Variants in ANKS1B observed in about 807,000 individuals in gnomAD.
The protein encoded by ANKS1B is ankyrin repeat and sterile alpha motif domain-containing protein 1B.
ANKS1B carries 36 observed loss-of-function variants against 148.3 expected under a neutral mutation model. That is an observed-to-expected ratio of 0.24 (90% CI 0.19 to 0.32). The LOEUF (loss-of-function observed/expected upper bound fraction) is 0.32. Among genes scored for constraint, ANKS1B ranks in the 10% least tolerant of loss-of-function variants. The probability of loss-of-function intolerance (pLI) is 1.00; values close to 1 mark genes in which losing one functional copy is unlikely to be tolerated. For synonymous variants in ANKS1B, 542 were observed against 560.8 expected, an observed-to-expected ratio of 0.97 and a Z score of 0.47; for missense variants, 1,157 against 1,542.6, an observed-to-expected ratio of 0.75 and a Z score of 4.19.
intron 14 of ANKS1B, among the ~76,000 whole-genome samples, chr12:99,156,975 G>A (rs922252043): frequency 5.9e-5 from 9 of 152,104 alleles, no homozygotes; most frequent in African/African-American, 1.9e-4. Flanking sequence ...TTTAAAATAA[G>A]ATAACTTGTT....
chr12:98,808,783 A>G (rs1009131970), intron 19 of ANKS1B, among the ~76,000 whole-genome samples: 2 of 152,204 alleles, frequency 1.3e-5, no homozygotes, highest in Admixed American at 6.5e-5. Context: ...CCCGAATTTC[A>G]TCATTCTAAA....
chr12:99,402,210 G>A (rs1447379123), intron 11 of ANKS1B, among the ~76,000 whole-genome samples: 1 of 146,090 alleles, frequency 6.8e-6, no homozygotes, highest in African/African-American at 2.6e-5. Context: ...TAGTAGAAGT[G>A]ACATTTTTCT....
intron 11 of ANKS1B, among the ~76,000 whole-genome samples, chr12:99,439,890 G>A (rs1349615386): frequency 1.3e-5 from 2 of 151,682 alleles, no homozygotes; most frequent in African/African-American, 4.8e-5. Context: ...ACAACGCAAG[G>A]ATCAATCAAC....
At chr12:99,033,382 T>C (rs1024069767) in intron 17 of ANKS1B, among the ~76,000 whole-genome samples, 1 of 152,236 alleles carries the variant, frequency 6.6e-6, no homozygotes, top group Non-Finnish European at 1.5e-5. Flanking sequence ...TTAGTAGTCA[T>C]GGTGTATAAT....
intron 17 of ANKS1B, chr12:98,894,810 G>C (rs1319686637): frequency 1.0e-6 from 1 of 983,876 alleles, no homozygotes; most frequent in African/African-American, 1.8e-5. Context: ...GGAAGGGCGG[G>C]AGAGGCGCGG....
chr12:99,534,563 A>G (rs2097042317), intron 9 of ANKS1B, among the ~76,000 whole-genome samples: 1 of 151,772 alleles, frequency 6.6e-6, no homozygotes. Flanking sequence ...ATTTCTACAC[A>G]TAATAATTAA....
In ANKS1B at chr12:99,789,940, G is replaced by C. The variant is rs563217471; in HGVS notation, c.670-7843C>G. ...GGTTGAGAAATAGTTAGGGGTAGAA[G>C]GTTTATTCAAAGTGATAATATTGGA... On this transcript the variant is annotated intron_variant, in intron 4 of 26. Transcript: ENST00000683438. 2.7e-3 allele frequency among the ~76,000 whole-genome samples: 413 copies of C among 151,960 alleles called. 5 individuals are homozygous for C. The highest frequency in any genetic ancestry group is 9.7e-3 in the African/African-American group (399 of 41,336).
intron 9 of ANKS1B, among the ~76,000 whole-genome samples, chr12:99,511,502 T>C (rs2096765800): frequency 6.6e-6 from 1 of 152,062 alleles, no homozygotes; most frequent in South Asian, 2.1e-4. Flanking sequence ...AAGTAATTTA[T>C]AGACAATGCT....
chr12:98,941,633 G>A (rs369531422), intron 17 of ANKS1B, among the ~76,000 whole-genome samples: 9 of 152,178 alleles, frequency 5.9e-5, no homozygotes, highest in Non-Finnish European at 1.0e-4. Flanking sequence ...AAGATTGACT[G>A]TATGTCCTTA....
chr12:99,034,262 G>A (rs2099954124), intron 17 of ANKS1B, among the ~76,000 whole-genome samples: 1 of 152,184 alleles, frequency 6.6e-6, no homozygotes. Flanking sequence ...GCAGAGTAGA[G>A]CTTGGAGGCT....
chr12:99,532,220 GT>G (rs1451272100), intron 9 of ANKS1B, among the ~76,000 whole-genome samples: 1 of 152,042 alleles, frequency 6.6e-6, no homozygotes, highest in Non-Finnish European at 1.5e-5. Context: ...ATTTATTTTT[GT>G]TTTGTTGGAT....
intron 17 of ANKS1B, among the ~76,000 whole-genome samples, chr12:98,904,657 T>C (rs2099776525): frequency 6.6e-6 from 1 of 152,186 alleles, no homozygotes; most frequent in African/African-American, 2.4e-5. Context: ...TCCAGAGAAC[T>C]CAGCACGAAG....
intron 2 of ANKS1B, among the ~76,000 whole-genome samples, chr12:99,812,743 T>G (rs2068592601): frequency 1.3e-5 from 2 of 151,780 alleles, no homozygotes; most frequent in South Asian, 4.1e-4. Flanking sequence ...AGCCCATATC[T>G]GAGATTTAGT....
At chr12:99,695,919 T>C (rs182302395) in intron 8 of ANKS1B, among the ~76,000 whole-genome samples, 228 of 152,164 alleles carry the variant, frequency 1.5e-3, no homozygotes, top group African/African-American at 5.2e-3. Flanking sequence ...ATGGTAACAA[T>C]AGACACTGGG....
intron 17 of ANKS1B, among the ~76,000 whole-genome samples, chr12:99,003,301 C>G (rs1203299805): frequency 7.2e-5 from 11 of 152,094 alleles, no homozygotes; most frequent in African/African-American, 2.7e-4. Context: ...CAAAATTATT[C>G]CGGCTACTCA....
At chr12:99,874,277 C>T (rs35135725) in intron 1 of ANKS1B, among the ~76,000 whole-genome samples, 22,657 of 151,680 alleles carry the variant, frequency 0.15, 2,126 homozygotes, top group Non-Finnish European at 0.21. Context: ...ATTATTTTAC[C>T]GCAACCAAAG....
chr12:99,832,154 A>G (rs1302973742), intron 1 of ANKS1B, among the ~76,000 whole-genome samples: 1 of 152,248 alleles, frequency 6.6e-6, no homozygotes, highest in Non-Finnish European at 1.5e-5. Context: ...GGAAAGTAAC[A>G]TGGCAATACA....
At chr12:99,068,776 C>T (rs1565876757) in intron 16 of ANKS1B, among the ~76,000 whole-genome samples, 2 of 150,300 alleles carry the variant, frequency 1.3e-5, no homozygotes, top group Non-Finnish European at 1.5e-5. Flanking sequence ...TCTTTATTGT[C>T]CCTAGTCCTA....
chr12:99,795,158 T>C (rs2066097815), intron 4 of ANKS1B, among the ~76,000 whole-genome samples: 1 of 151,900 alleles, frequency 6.6e-6, no homozygotes, highest in Admixed American at 6.6e-5. Context: ...CTTTACATAA[T>C]TGATAAGACA....
Sources: allele counts gnomAD v4.1 joint callset (sites outside exome capture counted in the v4.1 genomes callset), GRCh38; gene constraint gnomAD v4.1.1; transcripts MANE v1.5; gene names NCBI Gene and HGNC (gene_info 2026-07-23, HGNC 2026-07-21).